Variants in FCHSD2 observed in about 807,000 individuals in gnomAD.
FCHSD2 encodes the protein FCH and double SH3 domains 2.
Under a neutral mutation model 108.1 loss-of-function variants are expected in FCHSD2, and 38 were observed. The observed-to-expected ratio is 0.35, with a 90% CI of 0.27 to 0.46. The LOEUF (loss-of-function observed/expected upper bound fraction) is 0.46, where lower values mean the gene tolerates loss of function less well. Ranked by LOEUF, FCHSD2 falls within the 20% of genes least tolerant of loss-of-function variation. FCHSD2 has a pLI of 1.00. For synonymous variants in FCHSD2, 279 were observed against 314.7 expected, an observed-to-expected ratio of 0.89 and a Z score of 1.20; for missense variants, 751 against 897.8, an observed-to-expected ratio of 0.84 and a Z score of 2.09.
At chr11:73,132,648 C>T (rs1861029133) in intron 2 of FCHSD2, among the ~76,000 whole-genome samples, 1 of 151,928 alleles carries the variant, frequency 6.6e-6, no homozygotes, top group South Asian at 2.1e-4. Context: ...CATGGCAAAA[C>T]CCCATCTCTA....
chr11:73,009,727 C>T (rs1445322612), intron 4 of FCHSD2, among the ~76,000 whole-genome samples: 1 of 151,214 alleles, frequency 6.6e-6, no homozygotes, highest in Admixed American at 6.6e-5. Flanking sequence ...TCATACCATT[C>T]TCTCTTGGCC....
At chr11:72,948,489 A>G (rs1345314491) in intron 8 of FCHSD2, among the ~76,000 whole-genome samples, 1 of 152,174 alleles carries the variant, frequency 6.6e-6, no homozygotes, top group Non-Finnish European at 1.5e-5. Flanking sequence ...TTCTTACAAC[A>G]TAATTTCTGA....
At chr11:73,108,209 A>C (rs1024334654) in intron 2 of FCHSD2, among the ~76,000 whole-genome samples, 1 of 152,228 alleles carries the variant, frequency 6.6e-6, no homozygotes, top group Non-Finnish European at 1.5e-5. Context: ...ACTTCTTTTG[A>C]AAAATGTCCA....
rs1319530205 is a variant in FCHSD2 at position 73,142,250 on chromosome 11, G to A, written c.-373C>T. ...GCGTTGTCCGCGCTCCCGGTCGGCC[G>A]CCTGCGCCGCCGCTCCCGGCGGACG... On this transcript the variant is annotated 5_prime_UTR_variant, in exon 1 of 20. Coordinates refer to ENST00000409418, the MANE Select transcript of FCHSD2 (RefSeq NM_014824.3). The A allele has an allele frequency of 6.6e-6, 1 of 151,280 alleles. No homozygotes were observed. The allele number at this position is 151,280 out of a possible 1,614,324, so 9.4% of individuals were successfully genotyped here.
chr11:72,839,542 AT>A lies in FCHSD2; in HGVS notation c.2140-669del, dbSNP rs574370665. On this transcript the variant is annotated intron_variant, in intron 19 of 19. Transcript: ENST00000409418. ...GTAGGGGAAGTAGAGAAGTGGAAAGATTTGCGAGCTCTCTGCAAGGTATACC... is the reference window on the plus strand; with the variant it reads ...GTAGGGGAAGTAGAGAAGTGGAAAGATTGCGAGCTCTCTGCAAGGTATACC... Among the ~76,000 whole-genome samples, 114 of 152,236 alleles carry A rather than the reference AT, an allele frequency of 7.5e-4. 2 individuals carry two copies. In the Middle Eastern group the frequency reaches 0.01, roughly 14 times the overall value.
chr11:72,972,344 A>T (rs1036169265), intron 8 of FCHSD2, among the ~76,000 whole-genome samples: 7 of 152,242 alleles, frequency 4.6e-5, no homozygotes, highest in African/African-American at 1.7e-4. Flanking sequence ...TTAGACCTCT[A>T]TAAGAAATTT....
At chr11:73,097,593 C>T (rs1362323481) in intron 2 of FCHSD2, among the ~76,000 whole-genome samples, 1 of 145,022 alleles carries the variant, frequency 6.9e-6, no homozygotes, top group Admixed American at 6.8e-5. Flanking sequence ...CCGTCTAGTC[C>T]TATTATTTCT....
At chr11:73,069,840 A>G (rs1320873199) in intron 3 of FCHSD2, among the ~76,000 whole-genome samples, 1 of 152,224 alleles carries the variant, frequency 6.6e-6, no homozygotes, top group East Asian at 1.9e-4. Flanking sequence ...TAAAACATCT[A>G]GATTCATAAA....
At chr11:73,066,051 A>AT (rs1345267981) in intron 3 of FCHSD2, among the ~76,000 whole-genome samples, 1 of 152,184 alleles carries the variant, frequency 6.6e-6, no homozygotes, top group Non-Finnish European at 1.5e-5. Context: ...TGCCAAAACA[A>AT]TCCTGGGCAA....
intron 2 of FCHSD2, among the ~76,000 whole-genome samples, chr11:73,134,035 C>T (rs1335765566): frequency 6.6e-6 from 1 of 151,554 alleles, no homozygotes; most frequent in Non-Finnish European, 1.5e-5. Context: ...GATACGTAAT[C>T]ATATATGATA....
At chr11:72,907,530 G>A (rs1238600908) in intron 9 of FCHSD2, among the ~76,000 whole-genome samples, 1 of 148,102 alleles carries the variant, frequency 6.8e-6, no homozygotes, top group East Asian at 2.0e-4. Context: ...TTTATTGAGA[G>A]TTTTTAGCAT....
Position 73,081,941 on chromosome 11 carries a change from G to A in FCHSD2, c.165+1754C>T, listed in dbSNP as rs111992518. ...TTCAAGATCGGGCGCGGTGACTCAC[G>A]CCTGTAATCCCAGCACTTAGGGAGG... On this transcript the variant is annotated intron_variant, in intron 3 of 19. Coordinates refer to ENST00000409418, the MANE Select transcript of FCHSD2 (RefSeq NM_014824.3). Among the ~76,000 whole-genome samples the A allele has an allele frequency of 6.8e-3, 1,040 of 152,188 alleles. 5 individuals carry two copies. Among genetic ancestry groups the A allele is most frequent in the South Asian group, 0.014 (69 of 4,826 alleles).
At chr11:72,856,297 TATG>T (rs1360443898) in intron 13 of FCHSD2, among the ~76,000 whole-genome samples, 1 of 152,066 alleles carries the variant, frequency 6.6e-6, no homozygotes, top group African/African-American at 2.4e-5. Flanking sequence ...GAAGTCAGGA[TATG>T]ATGAGTCCAA....
At chr11:72,927,343 G>C (rs1219315330) in intron 8 of FCHSD2, among the ~76,000 whole-genome samples, 1 of 152,156 alleles carries the variant, frequency 6.6e-6, no homozygotes, top group African/African-American at 2.4e-5. Flanking sequence ...TCTAAACTGA[G>C]AATGTACAAT....
At chr11:73,010,800 C>A (rs1857846070) in intron 4 of FCHSD2, among the ~76,000 whole-genome samples, 1 of 152,188 alleles carries the variant, frequency 6.6e-6, no homozygotes. Context: ...CACTAGTAGT[C>A]CAGGTGGGCC....
At chr11:72,892,644 G>C (rs551240894) in intron 10 of FCHSD2, among the ~76,000 whole-genome samples, 1 of 152,184 alleles carries the variant, frequency 6.6e-6, no homozygotes, top group East Asian at 1.9e-4. Context: ...TCACTCTGTT[G>C]GCCAGGCTGG....
intron 2 of FCHSD2, among the ~76,000 whole-genome samples, chr11:73,123,596 G>A (rs563585834): frequency 6.6e-6 from 1 of 152,222 alleles, no homozygotes; most frequent in African/African-American, 2.4e-5. Flanking sequence ...TTAATTCTGG[G>A]AATTCAAAAT....
intron 8 of FCHSD2, among the ~76,000 whole-genome samples, chr11:72,933,535 T>C (rs1000819934): frequency 2.6e-5 from 4 of 152,198 alleles, no homozygotes; most frequent in Non-Finnish European, 2.9e-5. Flanking sequence ...GTCATTGTTA[T>C]TTGCAATCAA....
At chr11:72,895,330 T>C (rs759319826) in intron 10 of FCHSD2, among the ~76,000 whole-genome samples, 17 of 152,060 alleles carry the variant, frequency 1.1e-4, no homozygotes, top group Non-Finnish European at 2.5e-4. Flanking sequence ...GGATTAAGAG[T>C]ACCAAAGGCA....
Sources: allele counts gnomAD v4.1 joint callset (sites outside exome capture counted in the v4.1 genomes callset), GRCh38; gene constraint gnomAD v4.1.1; transcripts MANE v1.5; gene names NCBI Gene and HGNC (gene_info 2026-07-23, HGNC 2026-07-21).